The following SCLT1 variants were observed in gnomAD, a reference collection of about 807,000 sequenced individuals.
The protein encoded by SCLT1 is sodium channel-associated protein 1.
SCLT1 carries 78 observed loss-of-function variants against 112.8 expected under a neutral mutation model. The ratio of observed to expected loss-of-function variants is 0.69; its 90% confidence interval spans 0.58 to 0.83. The LOEUF is 0.83. Among genes scored for constraint, SCLT1 ranks in the 40% least tolerant of loss-of-function variants. The pLI is 0.00. For synonymous variants in SCLT1, 257 were observed against 254.7 expected (o/e 1.01, Z -0.09); for missense variants, 747 against 770.4 (o/e 0.97, Z 0.36).
chr4:129,065,540 A>C (rs1297900404), intron 2 of SCLT1, among the ~76,000 whole-genome samples: 1 of 152,108 alleles, frequency 6.6e-6, no homozygotes, highest in South Asian at 2.1e-4. Context: ...CTGTAGCACA[A>C]ATGGAGTCAT....
At chr4:128,942,904 G>A in intron 17 of SCLT1, 92 bp downstream of exon 17, 3 of 842,372 alleles carry the variant, frequency 3.6e-6, no homozygotes, top group South Asian at 3.7e-5. Flanking sequence ...CAAAAAAAAA[G>A]GGGGCCTTAA....
chr4:128,943,238 T>C, intron 16 of SCLT1, 50 bp from the exon 17 acceptor site: 1 of 1,293,174 alleles, frequency 7.7e-7, no homozygotes, highest in Non-Finnish European at 1.1e-6. Context: ...TGATCTATAG[T>C]AGAAGATAAA....
intron 5 of SCLT1, 56 bp from the exon 6 acceptor site, chr4:129,003,932 C>T (rs1743764680): frequency 1.0e-5 from 16 of 1,528,604 alleles, no homozygotes; most frequent in Non-Finnish European, 1.3e-5. Flanking sequence ...ACAGTAATTA[C>T]TGTTTCGAGG....
intron 5 of SCLT1, among the ~76,000 whole-genome samples, chr4:129,022,293 G>C (rs940869840): frequency 6.6e-6 from 1 of 152,100 alleles, no homozygotes; most frequent in Non-Finnish European, 1.5e-5. Context: ...CAAAGAATGA[G>C]GTTAAAGAAT....
chr4:128,903,187 A>G (rs1404661505), intron 18 of SCLT1, among the ~76,000 whole-genome samples: 3 of 152,238 alleles, frequency 2.0e-5, no homozygotes, highest in East Asian at 1.9e-4. Flanking sequence ...TGTACTATAC[A>G]TAATTGCATA....
rs111646131 is a variant in SCLT1, at chr4:128,999,802, A to G, written c.427-8T>C. The stretch of plus-strand genomic sequence containing the variant: ...CACAGCCTGAGTTTTTTCCTATTAA[A>G]AAAGTTTGATAACTCATTAAATTAT... On this transcript the variant is annotated splice_region_variant and splice_polypyrimidine_tract_variant and intron_variant, in intron 6 of 20. Coordinates refer to ENST00000281142, the MANE Select transcript of SCLT1 (RefSeq NM_144643.4). The G allele has an allele frequency of 3.6e-5, 57 of 1,590,116 alleles. No homozygotes were observed. In the African/African-American group the frequency reaches 3.7e-4, roughly 10 times the overall value.
chr4:128,917,668 A>G (rs1735576439), intron 18 of SCLT1, among the ~76,000 whole-genome samples: 1 of 152,342 alleles, frequency 6.6e-6, no homozygotes, highest in African/African-American at 2.4e-5. Flanking sequence ...TAAAAACTCC[A>G]CAACTCTGTA....
chr4:128,875,028 G>A (rs1732468233), intron 4 of SCLT1: 8 of 138,860 alleles, frequency 5.8e-5, no homozygotes, highest in Admixed American at 5.6e-4. Flanking sequence ...GGTGCATGAA[G>A]AGTTAAAAAT....
chr4:128,975,562 A>G (rs1025649940), intron 9 of SCLT1, among the ~76,000 whole-genome samples: 1 of 152,172 alleles, frequency 6.6e-6, no homozygotes, highest in Non-Finnish European at 1.5e-5. Context: ...AGAATCCTAG[A>G]AATGTTTATG....
chr4:129,036,155 A>G (rs1206325595), intron 5 of SCLT1, among the ~76,000 whole-genome samples: 1 of 152,062 alleles, frequency 6.6e-6, no homozygotes, highest in African/African-American at 2.4e-5. Context: ...AGTAGAGTTC[A>G]CTTTAAAACC....
At chr4:128,877,349 T>G (rs907024194) in intron 3 of SCLT1, among the ~76,000 whole-genome samples, 4 of 152,136 alleles carry the variant, frequency 2.6e-5, no homozygotes, top group African/African-American at 9.7e-5. Context: ...TGTCTGGGAT[T>G]GAGACCCGTA....
At chr4:128,958,788 C>A (rs1739429787) in intron 12 of SCLT1, among the ~76,000 whole-genome samples, 1 of 152,134 alleles carries the variant, frequency 6.6e-6, no homozygotes, top group African/African-American at 2.4e-5. Flanking sequence ...AACACCTTAG[C>A]ATCCCCACAG....
chr4:128,885,015 C>G (rs1732783100), intron 20 of SCLT1, among the ~76,000 whole-genome samples: 1 of 152,060 alleles, frequency 6.6e-6, no homozygotes, highest in African/African-American at 2.4e-5. Flanking sequence ...TAGAGAAATG[C>G]AGGTCAAATA....
chr4:128,982,283 C>A (rs1179148028), intron 9 of SCLT1, among the ~76,000 whole-genome samples: 1 of 152,132 alleles, frequency 6.6e-6, no homozygotes, highest in African/African-American at 2.4e-5. Context: ...ACTGTCGAAG[C>A]TACGAAAGTG....
intron 8 of SCLT1, among the ~76,000 whole-genome samples, chr4:128,995,598 A>T (rs983379074): frequency 6.6e-6 from 1 of 151,962 alleles, no homozygotes; most frequent in South Asian, 2.1e-4. Flanking sequence ...ACCCCCACAA[A>T]TCAGCTGGCC....
Position 128,965,153 on chromosome 4 carries a change from A to C in SCLT1, c.869+74T>G. 8.0e-6 allele frequency: 6 copies of C among 752,490 alleles called. No homozygotes were observed. In the South Asian group the frequency reaches 9.9e-5, roughly 12 times the overall value. The allele number at this position is 752,490 out of a possible 1,614,324, so 46.6% of individuals were successfully genotyped here. A position where few individuals can be genotyped will look rare whatever the true frequency, so the allele number is the denominator to read the frequency against. Reference sequence around the variant, plus strand: ...TTATAAAATATTTATTCTAGTAAATATCACACACTGAAACTCTATTGTAAA... The same window carrying C: ...TTATAAAATATTTATTCTAGTAAATCTCACACACTGAAACTCTATTGTAAA... On this transcript the variant is annotated intron_variant, in intron 11 of 20. Coordinates refer to ENST00000281142, the MANE Select transcript of SCLT1 (RefSeq NM_144643.4).
At chr4:129,022,280 G>T (rs908030694) in intron 5 of SCLT1, among the ~76,000 whole-genome samples, 31 of 152,124 alleles carry the variant, frequency 2.0e-4, no homozygotes, top group African/African-American at 7.5e-4. Context: ...GCACAAAACT[G>T]GACAAAGAAT....
At chr4:128,900,051 C>T (rs1734138215) in intron 18 of SCLT1, among the ~76,000 whole-genome samples, 4 of 152,178 alleles carry the variant, frequency 2.6e-5, no homozygotes, top group Admixed American at 6.5e-5. Flanking sequence ...GAAGAACATT[C>T]CACACGCATG....
chr4:128,893,632 T>A (rs1415671010), intron 18 of SCLT1, among the ~76,000 whole-genome samples: 1 of 152,148 alleles, frequency 6.6e-6, no homozygotes, highest in East Asian at 1.9e-4. Context: ...AAGCTCTGCC[T>A]CCCAGGCTCA....
Sources: allele counts gnomAD v4.1 joint callset (sites outside exome capture counted in the v4.1 genomes callset), GRCh38; gene constraint gnomAD v4.1.1; transcripts MANE v1.5; gene names NCBI Gene and HGNC (gene_info 2026-07-23, HGNC 2026-07-21).